Variants in FHOD3 observed in about 807,000 individuals in gnomAD.
The protein encoded by FHOD3 is FH1/FH2 domain-containing protein 3.
Under a neutral mutation model 173.0 loss-of-function variants are expected in FHOD3, and 90 were observed. That is an observed-to-expected ratio of 0.52 (90% CI 0.44 to 0.62). The LOEUF is 0.62. Among genes scored for constraint, FHOD3 ranks in the 20% least tolerant of loss-of-function variants. The probability of loss-of-function intolerance (pLI) is 0.00; values close to 1 mark genes in which losing one functional copy is unlikely to be tolerated. For missense variants in FHOD3, 1,945 were observed against 2,034.7 expected, an observed-to-expected ratio of 0.96 and a Z score of 0.85; for synonymous variants, 828 against 823.0, an observed-to-expected ratio of 1.01 and a Z score of -0.10.
At chr18:36,456,528 G>A (rs1474420565) in intron 3 of FHOD3, among the ~76,000 whole-genome samples, 2 of 152,130 alleles carry the variant, frequency 1.3e-5, no homozygotes, top group Non-Finnish European at 2.9e-5. Context: ...GGGTAAGAAT[G>A]GAATAGGGGG....
intron 1 of FHOD3, among the ~76,000 whole-genome samples, chr18:36,352,698 A>G (rs16967785): frequency 0.06 from 9,134 of 152,222 alleles, 881 homozygotes; most frequent in African/African-American, 0.2. Context: ...CTTTAGGCTC[A>G]TGTGTTTCCA....
intron 3 of FHOD3, among the ~76,000 whole-genome samples, chr18:36,495,278 A>G (rs2054684267): frequency 6.6e-6 from 1 of 152,006 alleles, no homozygotes; most frequent in Non-Finnish European, 1.5e-5. Context: ...GAAGGGACCC[A>G]CAGTGTCATG....
At chr18:36,777,472 T>C (rs997090385) in intron 28 of FHOD3, among the ~76,000 whole-genome samples, 4 of 152,116 alleles carry the variant, frequency 2.6e-5, no homozygotes, top group African/African-American at 9.7e-5. Context: ...GGATTACAGG[T>C]GTGAGCCACT....
At chr18:36,679,808 A>G (rs1183291344) in intron 14 of FHOD3, among the ~76,000 whole-genome samples, 1 of 152,150 alleles carries the variant, frequency 6.6e-6, no homozygotes, top group East Asian at 1.9e-4. Flanking sequence ...ATTGATGGTC[A>G]ATTTTTGAGT....
At chr18:36,502,071 C>T (rs2055059805) in intron 4 of FHOD3, 72 bp downstream of exon 4, 2 of 963,860 alleles carry the variant, frequency 2.1e-6, no homozygotes, top group Admixed American at 2.6e-5. Context: ...AAGCTTCTAC[C>T]TGTACTTGTT....
intron 24 of FHOD3, among the ~76,000 whole-genome samples, chr18:36,748,381 C>A (rs867571869): frequency 1.0e-3 from 106 of 105,924 alleles, no homozygotes; most frequent in Admixed American, 4.1e-3. Context: ...CACACACACA[C>A]AACACACACA....
intron 24 of FHOD3, among the ~76,000 whole-genome samples, chr18:36,749,511 G>A (rs774224888): frequency 1.3e-5 from 2 of 152,160 alleles, no homozygotes; most frequent in African/African-American, 4.8e-5. Flanking sequence ...ACATGATCGT[G>A]TTCTTTCTTA....
At chr18:36,738,290 C>T (rs1192512281) in intron 20 of FHOD3, among the ~76,000 whole-genome samples, 1 of 152,208 alleles carries the variant, frequency 6.6e-6, no homozygotes, top group African/African-American at 2.4e-5. Flanking sequence ...TACAAATATT[C>T]ATGTACAAGT....
At chr18:36,587,324 C>T (rs1001603999) in intron 6 of FHOD3, among the ~76,000 whole-genome samples, 8 of 152,154 alleles carry the variant, frequency 5.3e-5, no homozygotes, top group South Asian at 2.1e-4. Flanking sequence ...AGTGAGCGGC[C>T]ACCCTGGATC....
At chr18:36,448,292 A>G (rs2051616163) in intron 3 of FHOD3, among the ~76,000 whole-genome samples, 1 of 152,210 alleles carries the variant, frequency 6.6e-6, no homozygotes, top group Non-Finnish European at 1.5e-5. Context: ...GTAGGTTCAT[A>G]AAGGGTAGGG....
chr18:36,524,762 C>T (rs894672780), intron 5 of FHOD3, among the ~76,000 whole-genome samples: 1 of 152,070 alleles, frequency 6.6e-6, no homozygotes, highest in African/African-American at 2.4e-5. Context: ...ATCTAGATTT[C>T]GTTGCTTTTT....
At chr18:36,302,642 G>A (rs2091985120) in intron 1 of FHOD3, among the ~76,000 whole-genome samples, 1 of 152,142 alleles carries the variant, frequency 6.6e-6, no homozygotes, top group South Asian at 2.1e-4. Flanking sequence ...TTGATTGATT[G>A]GTGTTAGTTT....
At chr18:36,490,063 A>G (rs940125721) in intron 3 of FHOD3, among the ~76,000 whole-genome samples, 3 of 152,212 alleles carry the variant, frequency 2.0e-5, no homozygotes, top group Non-Finnish European at 2.9e-5. Flanking sequence ...GAGGAACAGC[A>G]TCACGGTGCT....
chr18:36,576,008 C>T (rs970094362), intron 5 of FHOD3, among the ~76,000 whole-genome samples: 3 of 152,140 alleles, frequency 2.0e-5, no homozygotes, highest in African/African-American at 7.2e-5. Context: ...AGGATGATCC[C>T]ACAGAATCTA....
At position 36,718,051 on chromosome 18, in the gene FHOD3, C is replaced by G. The variant is rs762835524; in HGVS notation, c.2753C>G (p.Thr918Ser). 4 of 1,601,448 alleles carry G rather than the reference C, an allele frequency of 2.5e-6. No individual in the cohort carries two copies. The highest frequency in any genetic ancestry group is 3.4e-6 in the Non-Finnish European group (4 of 1,173,412). Residue 918 changes from threonine to serine, a missense_variant, in exon 19 of 29, where the codon ACC (threonine) becomes AGC (serine). Thr to Ser is a moderately conservative substitution (Grantham distance 58). Coordinates refer to ENST00000590592, the MANE Select transcript of FHOD3 (RefSeq NM_001281740.3). ...RISTLQANSQTQDESVRRVDV... is the reference protein window; with the variant it reads ...RISTLQANSQSQDESVRRVDV... ...TCCACCCTGCAGGCCAACTCTCAGACCCAGGATGAGAGTGTCAGGAGGGTG... is the reference window on the plus strand; with the variant it reads ...TCCACCCTGCAGGCCAACTCTCAGAGCCAGGATGAGAGTGTCAGGAGGGTG...
intron 16 of FHOD3, among the ~76,000 whole-genome samples, chr18:36,688,509 G>A (rs1201897960): frequency 6.6e-6 from 1 of 152,186 alleles, no homozygotes; most frequent in African/African-American, 2.4e-5. Context: ...ACCAGTTGTG[G>A]CTGGCAAATC....
At chr18:36,759,216 C>G in intron 26 of FHOD3, 75 bp downstream of exon 26, 1 of 1,440,502 alleles carries the variant, frequency 6.9e-7, no homozygotes, top group South Asian at 1.2e-5. Context: ...CTAACATAAT[C>G]AGCATGAAGT....
At chr18:36,441,876 G>C (rs1251667949) in intron 3 of FHOD3, among the ~76,000 whole-genome samples, 2 of 152,172 alleles carry the variant, frequency 1.3e-5, no homozygotes, top group Admixed American at 6.5e-5. Context: ...GTGACACGTT[G>C]CATGATTTTT....
chr18:36,671,192 T>C (rs374990434), intron 14 of FHOD3, among the ~76,000 whole-genome samples: 9 of 152,370 alleles, frequency 5.9e-5, no homozygotes, highest in African/African-American at 1.7e-4. Context: ...TATGTTACCC[T>C]GCCAGTGTTA....
Sources: allele counts gnomAD v4.1 joint callset (sites outside exome capture counted in the v4.1 genomes callset), GRCh38; gene constraint gnomAD v4.1.1; transcripts MANE v1.5; gene names NCBI Gene and HGNC (gene_info 2026-07-23, HGNC 2026-07-21).